The following IGFBP4 variants were observed in gnomAD, a reference collection of about 807,000 sequenced individuals.
IGFBP4 encodes insulin like growth factor binding protein 4, also known as insulin-like growth factor-binding protein 4.
IGFBP4 carries 9 observed loss-of-function variants against 25.8 expected under a neutral mutation model. The observed-to-expected ratio is 0.35, with a 90% confidence interval of 0.21 to 0.61. The LOEUF is 0.61. Among genes scored for constraint, IGFBP4 ranks in the 20% least tolerant of loss-of-function variants. The pLI is 0.77. For synonymous variants in IGFBP4, 153 were observed against 153.9 expected (o/e 0.99, Z 0.05); for missense variants, 315 against 365.3 (o/e 0.86, Z 1.12).
At chr17:40,449,606 G>C (rs1318986653) in intron 1 of IGFBP4, among the ~76,000 whole-genome samples, 1 of 152,094 alleles carries the variant, frequency 6.6e-6, no homozygotes, top group East Asian at 1.9e-4. Context: ...AAAATTAGCT[G>C]GGCATGGTAG....
rs906079486 is a variant in IGFBP4 at position 40,453,490 on chromosome 17, C to T, written c.507+348C>T. On this transcript the variant is annotated intron_variant, in intron 2 of 3. Transcript: ENST00000269593. This position sits in a 1 kb window ranked among gnomAD's most constrained non-coding sequence, Gnocchi z 4.0. ...TCTTGGCCTTTTTTGGATTCCCCAC[C>T]CCAGACCTTCTCAGTAACCAAAGGG... is the stretch of plus-strand genomic sequence containing the variant. Among the ~76,000 whole-genome samples the T allele has an allele frequency of 3.3e-5, 5 of 152,148 alleles. No individual in the cohort carries two copies. Among genetic ancestry groups the T allele is most frequent in the Non-Finnish European group, 5.9e-5 (4 of 68,020 alleles).
Position 40,453,857 on chromosome 17 carries a change from G to A in IGFBP4, c.508-71G>A. The A allele has an allele frequency of 8.0e-7, 1 of 1,253,402 alleles. No homozygotes were observed. The highest frequency in any genetic ancestry group is 1.4e-5 in the South Asian group (1 of 72,456). 77.6% of individuals were successfully genotyped at this position (1,253,402 alleles called of 1,614,324 possible). A position where few individuals can be genotyped will look rare whatever the true frequency, so the allele number is the denominator to read the frequency against. ...TTTCGGGGCCTTCAGTTCTCACTTA[G>A]CTCTGACCCCAGGCCTGGGCCTCCT... On this transcript the variant is annotated intron_variant, in intron 2 of 3. Coordinates refer to ENST00000269593, the MANE Select transcript of IGFBP4 (RefSeq NM_001552.3). This position sits in a 1 kb window ranked among gnomAD's most constrained non-coding sequence, Gnocchi z 4.0.
chr17:40,448,411 C>T (rs2035663187), intron 1 of IGFBP4, among the ~76,000 whole-genome samples: 1 of 152,250 alleles, frequency 6.6e-6, no homozygotes, highest in Non-Finnish European at 1.5e-5. Context: ...TGTCAACTGG[C>T]TTAGCTCCAA....
In IGFBP4 at chr17:40,453,921, C is replaced by T; in HGVS notation, c.508-7C>T. On this transcript the variant is annotated splice_polypyrimidine_tract_variant and splice_region_variant and intron_variant, in intron 2 of 3. Coordinates refer to ENST00000269593, the MANE Select transcript of IGFBP4 (RefSeq NM_001552.3). The surrounding 1 kb of genome is among the most constrained non-coding windows in gnomAD (Gnocchi z 4.0). ...CTGCTGAGCAATTTTGTCTTCCCCT[C>T]CTCCAGCCCCAGGGCTCCTGCCAGA... 4 of 1,601,096 alleles carry T rather than the reference C, an allele frequency of 2.5e-6. No homozygotes were observed. The highest frequency in any genetic ancestry group is 3.4e-6 in the Non-Finnish European group (4 of 1,174,614).
rs143529403 is a variant in IGFBP4, at chr17:40,456,740, C to CGT, written c.*168_*169dup. 2.1e-5 allele frequency: 14 copies of CGT among 677,630 alleles called. No individual in the cohort carries two copies. Among genetic ancestry groups the CGT allele is most frequent in the East Asian group, 1.1e-4 (4 of 35,176 alleles). 42.0% of individuals were successfully genotyped at this position (677,630 alleles called of 1,614,324 possible). On this transcript the variant is annotated 3_prime_UTR_variant, in exon 4 of 4. Coordinates refer to ENST00000269593, the MANE Select transcript of IGFBP4 (RefSeq NM_001552.3). ...GCGTGTGCACGTGTGCGTGTGCGTG[C>CGT]GTGTGTGTGTGTTTGTGAGCATGGG...
intron 3 of IGFBP4, among the ~76,000 whole-genome samples, chr17:40,454,996 G>A (rs569739812): frequency 6.6e-6 from 1 of 152,346 alleles, no homozygotes; most frequent in African/African-American, 2.4e-5. Context: ...GGGTATGAGT[G>A]AAGGGACAGA....
In IGFBP4 at chr17:40,451,535, C is replaced by A. The variant is rs988311166; in HGVS notation, c.350-1450C>A. 1.3e-5 allele frequency among the ~76,000 whole-genome samples: 2 copies of A among 151,980 alleles called. 1 individual carries two copies. Among genetic ancestry groups the A allele is most frequent in the South Asian group, 4.2e-4 (2 of 4,814 alleles). On this transcript the variant is annotated intron_variant, in intron 1 of 3. Transcript: ENST00000269593. ...TTTGACCCAGAGGCAGCTCTGGGAT[C>A]GCTGCCACGCATGGAGGAACCTGCT...
At position 40,453,926 on chromosome 17, in the gene IGFBP4, A is replaced by T. The variant is rs112634541; in HGVS notation, c.508-2A>T. ...GAGCAATTTTGTCTTCCCCTCCTCC[A>T]GCCCCAGGGCTCCTGCCAGAGCGAG... On this transcript the variant is annotated splice_acceptor_variant, in intron 2 of 3. Coordinates refer to ENST00000269593, the MANE Select transcript of IGFBP4 (RefSeq NM_001552.3). LOFTEE classifies it high-confidence loss of function. This position sits in a 1 kb window ranked among gnomAD's most constrained non-coding sequence, Gnocchi z 4.0. The T allele has an allele frequency of 1.2e-6, 2 of 1,602,314 alleles. No individual in the cohort carries two copies. The highest frequency in any genetic ancestry group is 2.2e-5 in the South Asian group (2 of 89,408).
At chr17:40,447,430 C>A (rs2035655170) in intron 1 of IGFBP4, among the ~76,000 whole-genome samples, 1 of 152,194 alleles carries the variant, frequency 6.6e-6, no homozygotes, top group African/African-American at 2.4e-5. Flanking sequence ...GGCTCTCAGT[C>A]CCTTTGGGAC....
In IGFBP4 at chr17:40,443,687, C is replaced by A; in HGVS notation, c.-49C>A. On this transcript the variant is annotated 5_prime_UTR_variant, in exon 1 of 4. Transcript: ENST00000269593. ...CGCCGCTCGCCCGCGCGCCCGCGCT[C>A]CCCGCCTGCGCCCAGCGCCCCGCGC... 1 of 1,134,914 alleles carries A rather than the reference C, an allele frequency of 8.8e-7. No individual in the cohort carries two copies. The highest frequency in any genetic ancestry group is 1.1e-6 in the Non-Finnish European group (1 of 909,116). 70.3% of individuals were successfully genotyped at this position (1,134,914 alleles called of 1,614,324 possible). A position where few individuals can be genotyped will look rare whatever the true frequency, so the allele number is the denominator to read the frequency against.
At chr17:40,454,131 A>T (rs1191099714) in intron 3 of IGFBP4, 69 bp downstream of exon 3, 3 of 1,519,638 alleles carry the variant, frequency 2.0e-6, no homozygotes, top group Non-Finnish European at 2.6e-6. Context: ...TCTCCGCAGG[A>T]TGGTCCTGGA....
intron 1 of IGFBP4, among the ~76,000 whole-genome samples, chr17:40,452,565 G>T (rs1597675855): frequency 6.6e-6 from 1 of 152,086 alleles, no homozygotes; most frequent in African/African-American, 2.4e-5. Flanking sequence ...GCCAGACACC[G>T]AAAAAATCAG....
Position 40,453,920 on chromosome 17 carries a change from T to C in IGFBP4, c.508-8T>C. ...TCTGCTGAGCAATTTTGTCTTCCCC[T>C]CCTCCAGCCCCAGGGCTCCTGCCAG... On this transcript the variant is annotated splice_polypyrimidine_tract_variant and splice_region_variant and intron_variant, in intron 2 of 3. Coordinates refer to ENST00000269593, the MANE Select transcript of IGFBP4 (RefSeq NM_001552.3). The surrounding 1 kb of genome is among the most constrained non-coding windows in gnomAD (Gnocchi z 4.0). 6.3e-7 allele frequency: 1 copy of C among 1,598,440 alleles called. No homozygotes were observed. Among genetic ancestry groups the C allele is most frequent in the Non-Finnish European group, 8.5e-7 (1 of 1,173,652 alleles).
At chr17:40,444,328 T>C (rs2035628603) in intron 1 of IGFBP4, among the ~76,000 whole-genome samples, 1 of 151,732 alleles carries the variant, frequency 6.6e-6, no homozygotes, top group African/African-American at 2.4e-5. Flanking sequence ...CCTCCAAGGG[T>C]TGTCTGTTTG....
At chr17:40,445,417 T>C (rs1189210521) in intron 1 of IGFBP4, among the ~76,000 whole-genome samples, 1 of 152,232 alleles carries the variant, frequency 6.6e-6, no homozygotes, top group East Asian at 1.9e-4. Flanking sequence ...CTTCCATTGT[T>C]GCAGTCCGGA....
chr17:40,444,918 CACACACACAGAG>C (rs1313505347), intron 1 of IGFBP4, among the ~76,000 whole-genome samples: 38 of 84,214 alleles, frequency 4.5e-4, no homozygotes, highest in African/African-American at 1.1e-3. Flanking sequence ...CACACACACA[CACACACACAGAG>C]ACAGAGAGAG....
At position 40,443,511 on chromosome 17, in the gene IGFBP4, C is replaced by G. The variant is rs1451528172; in HGVS notation, c.-225C>G. 1 of 160,048 alleles carries G rather than the reference C, an allele frequency of 6.2e-6. No individual in the cohort carries two copies. The highest frequency in any genetic ancestry group is 1.4e-5 in the Non-Finnish European group (1 of 73,992). 9.9% of individuals were successfully genotyped at this position (160,048 alleles called of 1,614,324 possible). ...TGCCTGGGCCGGGCCGAGGATGCGG[C>G]GCAGCGCCTCGGCGGCCAGGCTTGC... On this transcript the variant is annotated 5_prime_UTR_variant, in exon 1 of 4. Transcript: ENST00000269593.
In IGFBP4 at chr17:40,456,641, G is replaced by C; in HGVS notation, c.*58G>C. ...CTGCTACTCCTGTGCTCTGGAGGCT[G>C]CAGAGCTGACCCAGAGTGGAGTCTG... On this transcript the variant is annotated 3_prime_UTR_variant, in exon 4 of 4. Transcript: ENST00000269593. 1.3e-6 allele frequency: 2 copies of C among 1,532,720 alleles called. No individual in the cohort carries two copies. Among genetic ancestry groups the C allele is most frequent in the Non-Finnish European group, 1.8e-6 (2 of 1,128,988 alleles). The allele number at this position is 1,532,720 out of a possible 1,614,324, so 94.9% of individuals were successfully genotyped here. A position where few individuals can be genotyped will look rare whatever the true frequency, so the allele number is the denominator to read the frequency against.
Position 40,449,387 on chromosome 17 carries a change from AG to A in IGFBP4, c.350-3596del, listed in dbSNP as rs531674184. Reference sequence around the variant, plus strand: ...TCCTAGCACTTTGGGAAGTCTAGGCAGGAGGATCACTTGAGGCCAGGAGTTT... The same window carrying A: ...TCCTAGCACTTTGGGAAGTCTAGGCAGAGGATCACTTGAGGCCAGGAGTTT... On this transcript the variant is annotated intron_variant, in intron 1 of 3. Coordinates refer to ENST00000269593, the MANE Select transcript of IGFBP4 (RefSeq NM_001552.3). 2.6e-4 allele frequency among the ~76,000 whole-genome samples: 40 copies of A among 152,206 alleles called. No homozygotes were observed. In the East Asian group the frequency reaches 7.7e-3, roughly 29 times the overall value.
Sources: gnomAD v4.1 joint callset for allele counts (sites outside exome capture counted in the v4.1 genomes callset) on GRCh38, gnomAD v4.1.1 for gene constraint, Gnocchi (gnomAD v3.1) non-coding constraint, MANE v1.5 for transcripts, NCBI Gene and HGNC (gene_info 2026-07-23, HGNC 2026-07-21) for gene names.